The following HS3ST3A1 variants were observed in gnomAD, a reference collection of about 807,000 sequenced individuals.
HS3ST3A1 encodes the protein heparan sulfate glucosamine 3-O-sulfotransferase 3A1.
HS3ST3A1 carries 19 observed loss-of-function variants against 25.7 expected under a neutral mutation model. That is an observed-to-expected ratio of 0.74 (90% CI 0.52 to 1.08). The LOEUF (loss-of-function observed/expected upper bound fraction) is 1.08. HS3ST3A1 is among the 50% of genes least tolerant of loss of function. The probability of loss-of-function intolerance (pLI) is 0.00; values close to 1 mark genes in which losing one functional copy is unlikely to be tolerated. For synonymous variants in HS3ST3A1, 226 were observed against 278.6 expected (o/e 0.81, Z 1.88); for missense variants, 459 against 594.3 (o/e 0.77, Z 2.37).
chr17:13,600,953 G>A lies in HS3ST3A1; in HGVS notation c.177C>T (p.Gly59=). 1.3e-6 allele frequency: 2 copies of A among 1,537,742 alleles called. No individual in the cohort carries two copies. The highest frequency in any genetic ancestry group is 1.2e-5 in the South Asian group (1 of 83,008). Residue 59 remains glycine, a synonymous_variant, in exon 1 of 2, where the codon GGC becomes GGT. Transcript: ENST00000284110. The part of the protein sequence containing the change: ...LSGPVVGLSG[G]GEEAGAPGGG... ...CACCAGGGGCCCCCGCCTCCTCGCC[G>A]CCGCCGGACAGCCCCACGACGGGGC...
At chr17:13,511,608 T>C (rs768467337) in intron 1 of HS3ST3A1, among the ~76,000 whole-genome samples, 2 of 151,616 alleles carry the variant, frequency 1.3e-5, no homozygotes, top group Admixed American at 6.6e-5. Context: ...TGGAGGGGCA[T>C]ATTTTATAAT....
At chr17:13,517,431 G>A (rs1011409639) in intron 1 of HS3ST3A1, among the ~76,000 whole-genome samples, 16 of 152,118 alleles carry the variant, frequency 1.1e-4, no homozygotes, top group African/African-American at 3.9e-4. Context: ...ATTACTATAA[G>A]GGAATGTTTA....
chr17:13,527,249 T>TATCTGCTATA (rs1906461307), intron 1 of HS3ST3A1, among the ~76,000 whole-genome samples: 1 of 152,136 alleles, frequency 6.6e-6, no homozygotes, highest in South Asian at 2.1e-4. Context: ...CTGAACTATG[T>TATCTGCTATA]TCCTATCTGC....
intron 1 of HS3ST3A1, among the ~76,000 whole-genome samples, chr17:13,526,474 TTATATATATATATATATA>T (rs58701744): frequency 0.017 from 1,265 of 76,330 alleles, 44 homozygotes; most frequent in African/African-American, 0.062. Context: ...ACTTTAATTT[TTATATATATATATATATA>T]TATATATATA....
At chr17:13,500,063 A>C (rs1905416225) in intron 1 of HS3ST3A1, among the ~76,000 whole-genome samples, 1 of 149,820 alleles carries the variant, frequency 6.7e-6, no homozygotes, top group Admixed American at 6.6e-5. Context: ...AGGGATATAA[A>C]ATTTTTTTTC....
Position 13,600,576 on chromosome 17 carries a change from G to A in HS3ST3A1, c.554C>T (p.Pro185Leu). ...HPDVRAVGAE[P>L]HFFDRSYDKG... is the part of the protein sequence containing the mutation. The stretch of plus-strand genomic sequence containing the variant: ...GTCGTAGCTGCGGTCGAAGAAGTGG[G>A]GCTCGGCGCCCACGGCGCGCACGTC... The change falls in exon 1 of 2, where the codon CCC (proline) becomes CTC (leucine). Residue 185 changes from proline to leucine, a missense_variant. Physicochemically the swap from Pro to Leu is moderately conservative, Grantham distance 98. Coordinates refer to ENST00000284110, the MANE Select transcript of HS3ST3A1 (RefSeq NM_006042.3). 1 of 1,602,096 alleles carries A rather than the reference G, an allele frequency of 6.2e-7. No individual in the cohort carries two copies. The highest frequency in any genetic ancestry group is 8.5e-7 in the Non-Finnish European group (1 of 1,178,524).
chr17:13,507,588 A>G (rs1905725414), intron 1 of HS3ST3A1, among the ~76,000 whole-genome samples: 1 of 152,196 alleles, frequency 6.6e-6, no homozygotes, highest in Non-Finnish European at 1.5e-5. Flanking sequence ...CCGAACAGGT[A>G]ATATATATCA....
In HS3ST3A1 at chr17:13,601,179, C is replaced by T. The variant is rs1457355097; in HGVS notation, c.-50G>A. On this transcript the variant is annotated 5_prime_UTR_variant, in exon 1 of 2. Coordinates refer to ENST00000284110, the MANE Select transcript of HS3ST3A1 (RefSeq NM_006042.3). ...ACGCGCCGGCCATGCTAGGCCTGGA[C>T]CCCGACAGGTGCCAGAGCATCCCCC... is the stretch of plus-strand genomic sequence containing the variant. 2.2e-6 allele frequency: 3 copies of T among 1,364,416 alleles called. No individual in the cohort carries two copies. The highest frequency in any genetic ancestry group is 2.9e-6 in the Non-Finnish European group (3 of 1,033,808). The allele number at this position is 1,364,416 out of a possible 1,614,324, so 84.5% of individuals were successfully genotyped here.
chr17:13,534,215 T>C (rs747626671), intron 1 of HS3ST3A1, among the ~76,000 whole-genome samples: 6 of 152,146 alleles, frequency 3.9e-5, no homozygotes, highest in Non-Finnish European at 8.8e-5. Flanking sequence ...CTTACAGTGT[T>C]ACTGAGAAAA....
intron 1 of HS3ST3A1, among the ~76,000 whole-genome samples, chr17:13,510,189 C>T (rs913217182): frequency 7.2e-5 from 11 of 152,208 alleles, no homozygotes; most frequent in African/African-American, 2.7e-4. Flanking sequence ...GCAAACCCCA[C>T]ATCTAGGCTG....
chr17:13,575,505 G>T (rs1444372190), intron 1 of HS3ST3A1, among the ~76,000 whole-genome samples: 1 of 152,114 alleles, frequency 6.6e-6, no homozygotes, highest in African/African-American at 2.4e-5. Context: ...TCTAACTGTG[G>T]TGACTTGCAT....
chr17:13,568,548 G>C (rs1007709482), intron 1 of HS3ST3A1, among the ~76,000 whole-genome samples: 2 of 152,082 alleles, frequency 1.3e-5, no homozygotes, highest in African/African-American at 4.8e-5. Context: ...ATGCTGTCCA[G>C]ATTTTTCATA....
intron 1 of HS3ST3A1, among the ~76,000 whole-genome samples, chr17:13,561,110 T>G (rs1907536127): frequency 1.3e-5 from 2 of 152,174 alleles, no homozygotes; most frequent in South Asian, 2.1e-4. Flanking sequence ...CAGAGATGCC[T>G]TGGAGCCTAC....
intron 1 of HS3ST3A1, among the ~76,000 whole-genome samples, chr17:13,550,638 G>C (rs1010219190): frequency 6.6e-6 from 1 of 152,048 alleles, no homozygotes; most frequent in Admixed American, 6.6e-5. Flanking sequence ...GATATATTCA[G>C]GACCGAGATT....
chr17:13,600,529 A>G lies in HS3ST3A1; in HGVS notation c.599+2T>C. On this transcript the variant is annotated splice_donor_variant, in intron 1 of 1. Coordinates refer to ENST00000284110, the MANE Select transcript of HS3ST3A1 (RefSeq NM_006042.3). LOFTEE classifies it high-confidence loss of function. ...GCCCCAGCCCGGGCCCGCCCCGCTC[A>G]CCGGTACCAGGCGAGGCCCTTGTCG... is the stretch of plus-strand genomic sequence containing the variant. 6.3e-7 allele frequency: 1 copy of G among 1,593,822 alleles called. No homozygotes were observed. Among genetic ancestry groups the G allele is most frequent in the Non-Finnish European group, 8.5e-7 (1 of 1,175,646 alleles).
At chr17:13,546,413 G>A (rs538424229) in intron 1 of HS3ST3A1, among the ~76,000 whole-genome samples, 11 of 152,206 alleles carry the variant, frequency 7.2e-5, no homozygotes, top group Admixed American at 3.3e-4. Flanking sequence ...TTACAAGTGC[G>A]TGTGCCACTA....
At chr17:13,564,282 C>T (rs1907621573) in intron 1 of HS3ST3A1, among the ~76,000 whole-genome samples, 1 of 152,190 alleles carries the variant, frequency 6.6e-6, no homozygotes, top group African/African-American at 2.4e-5. Context: ...TCAAAAGGTT[C>T]AGATGCTTTT....
chr17:13,548,127 T>C (rs1907138542), intron 1 of HS3ST3A1, among the ~76,000 whole-genome samples: 1 of 152,190 alleles, frequency 6.6e-6, no homozygotes, highest in Non-Finnish European at 1.5e-5. Context: ...CTCTAAATTG[T>C]TACAGTTACT....
At chr17:13,520,203 G>A (rs1420381814) in intron 1 of HS3ST3A1, among the ~76,000 whole-genome samples, 1 of 152,168 alleles carries the variant, frequency 6.6e-6, no homozygotes, top group African/African-American at 2.4e-5. Context: ...TATTGCTATT[G>A]ACACTCTTCA....
Sources: allele counts gnomAD v4.1 joint callset (sites outside exome capture counted in the v4.1 genomes callset), GRCh38; gene constraint gnomAD v4.1.1; transcripts MANE v1.5; gene names NCBI Gene and HGNC (gene_info 2026-07-23, HGNC 2026-07-21).